Variants in PAK5 observed in about 807,000 individuals in gnomAD.
PAK5 encodes the protein serine/threonine-protein kinase PAK 5.
In PAK5, 16 loss-of-function variants were observed where a neutral mutation model predicts 65.9. The ratio of observed to expected loss-of-function variants is 0.24; its 90% CI spans 0.16 to 0.37. PAK5 has a LOEUF of 0.37. PAK5 is among the 10% of genes least tolerant of loss of function. The pLI is 1.00. For synonymous variants in PAK5, 371 were observed against 354.9 expected (o/e 1.05, Z -0.51); for missense variants, 785 against 903.9 (o/e 0.87, Z 1.69).
intron 3 of PAK5, among the ~76,000 whole-genome samples, chr20:9,629,766 G>C (rs2046898289): frequency 6.6e-6 from 1 of 152,162 alleles, no homozygotes; most frequent in South Asian, 2.1e-4. Context: ...ATAAAGTTTG[G>C]GAGGGACACA....
intron 2 of PAK5, among the ~76,000 whole-genome samples, chr20:9,690,847 G>A (rs930941914): frequency 3.4e-5 from 5 of 146,198 alleles, no homozygotes; most frequent in East Asian, 2.0e-4. Context: ...TCCTCTTCCC[G>A]GGCTCAAGTG....
chr20:9,734,686 G>C (rs555576351), intron 1 of PAK5, among the ~76,000 whole-genome samples: 10 of 152,224 alleles, frequency 6.6e-5, no homozygotes, highest in African/African-American at 2.4e-4. Flanking sequence ...TTTCAGAAAT[G>C]TTAATAACCA....
At chr20:9,674,828 C>A (rs2047547201) in intron 2 of PAK5, among the ~76,000 whole-genome samples, 1 of 152,122 alleles carries the variant, frequency 6.6e-6, no homozygotes, top group Admixed American at 6.5e-5. Flanking sequence ...GCAAAGGGAG[C>A]TTGTACCCCA....
rs545140358 is a variant in PAK5, at chr20:9,771,582, A to ATTTTTT, written c.-161-60153_-161-60148dup. 1.1e-3 allele frequency among the ~76,000 whole-genome samples: 117 copies of ATTTTTT among 109,746 alleles called. 10 individuals are homozygous for ATTTTTT. The highest frequency in any genetic ancestry group is 6.0e-3 in the East Asian group (19 of 3,146). The allele number at this position is 109,746 out of a possible 152,430, so 72.0% of individuals were successfully genotyped here. A position where few individuals can be genotyped will look rare whatever the true frequency, so the allele number is the denominator to read the frequency against. ...GCCACCACATTCAGTCAATTTTTTA[A>ATTTTTT]TTTTTTTTTTTTTTTTTTGTAGAAA... On this transcript the variant is annotated intron_variant, in intron 1 of 9. Coordinates refer to ENST00000353224, the MANE Select transcript of PAK5 (RefSeq NM_177990.4).
intron 1 of PAK5, among the ~76,000 whole-genome samples, chr20:9,799,447 T>G (rs1038636221): frequency 3.3e-5 from 5 of 152,122 alleles, no homozygotes; most frequent in African/African-American, 1.2e-4. Flanking sequence ...CAGAAGAGTT[T>G]TAACTGGAAC....
chr20:9,600,221 T>C (rs1464977769), intron 3 of PAK5, among the ~76,000 whole-genome samples: 2 of 152,234 alleles, frequency 1.3e-5, no homozygotes, highest in East Asian at 1.9e-4. Context: ...TCCGTTCTTA[T>C]ACCATTATAA....
intron 3 of PAK5, among the ~76,000 whole-genome samples, chr20:9,612,063 G>A (rs2046571775): frequency 6.6e-6 from 1 of 152,116 alleles, no homozygotes; most frequent in Non-Finnish European, 1.5e-5. Flanking sequence ...ATGCCCCTGA[G>A]GCACAGGGTG....
chr20:9,810,844 C>T (rs111739937), intron 1 of PAK5, among the ~76,000 whole-genome samples: 21 of 152,262 alleles, frequency 1.4e-4, no homozygotes, highest in Non-Finnish European at 2.9e-4. Flanking sequence ...TATATACACA[C>T]ATACACATAG....
chr20:9,646,782 C>T (rs1600192607), intron 2 of PAK5, among the ~76,000 whole-genome samples: 1 of 152,190 alleles, frequency 6.6e-6, no homozygotes, highest in Non-Finnish European at 1.5e-5. Context: ...TTAGAAACAG[C>T]AGTCAGCATG....
intron 4 of PAK5, among the ~76,000 whole-genome samples, chr20:9,567,568 T>C (rs559002696): frequency 2.0e-5 from 3 of 152,358 alleles, no homozygotes; most frequent in South Asian, 2.1e-4. Flanking sequence ...GAAAGGGCTA[T>C]TGGATGGCAC....
chr20:9,673,932 C>A (rs1285607720), intron 2 of PAK5, among the ~76,000 whole-genome samples: 1 of 152,190 alleles, frequency 6.6e-6, no homozygotes, highest in East Asian at 1.9e-4. Context: ...AGCTTAAAAT[C>A]TGGTGAGAAA....
At chr20:9,691,724 T>C (rs762370191) in intron 2 of PAK5, among the ~76,000 whole-genome samples, 93 of 152,308 alleles carry the variant, frequency 6.1e-4, no homozygotes, top group Admixed American at 1.6e-3. Context: ...TGTACTCCAA[T>C]AAAAGTCCCT....
intron 7 of PAK5, among the ~76,000 whole-genome samples, chr20:9,553,310 T>C (rs1603201681): frequency 6.6e-6 from 1 of 152,182 alleles, no homozygotes. Context: ...CAACTAGAGC[T>C]TGATCCTGCT....
intron 1 of PAK5, among the ~76,000 whole-genome samples, chr20:9,780,110 C>A (rs2048926718): frequency 6.6e-6 from 1 of 152,052 alleles, no homozygotes; most frequent in South Asian, 2.1e-4. Context: ...CCAAAAATAA[C>A]TTTTCTAGAT....
chr20:9,706,123 A>C (rs1215312205), intron 2 of PAK5, among the ~76,000 whole-genome samples: 1 of 152,174 alleles, frequency 6.6e-6, no homozygotes, highest in Non-Finnish European at 1.5e-5. Flanking sequence ...ACACACATGC[A>C]CAAATCTCTA....
At chr20:9,586,412 T>G (rs2046071124) in intron 3 of PAK5, among the ~76,000 whole-genome samples, 1 of 152,136 alleles carries the variant, frequency 6.6e-6, no homozygotes, top group Admixed American at 6.6e-5. Context: ...AACTAACACT[T>G]CATTTTTGAG....
At chr20:9,695,645 T>G (rs2876169) in intron 2 of PAK5, among the ~76,000 whole-genome samples, 51,656 of 151,832 alleles carry the variant, frequency 0.34, 10,365 homozygotes, top group African/African-American at 0.56. Context: ...TTAATTAAGA[T>G]GTGAAGGTTG....
chr20:9,788,163 G>A (rs1430948636), intron 1 of PAK5, among the ~76,000 whole-genome samples: 2 of 152,030 alleles, frequency 1.3e-5, no homozygotes, highest in African/African-American at 2.4e-5. Context: ...TATAGTAACA[G>A]CTTCAATGTA....
chr20:9,716,181 A>G (rs1480774463), intron 1 of PAK5, among the ~76,000 whole-genome samples: 1 of 67,114 alleles, frequency 1.5e-5, no homozygotes, highest in Non-Finnish European at 3.1e-5. Context: ...AGCATGCTCT[A>G]TGTTTTAAAC....
Sources: allele counts gnomAD v4.1 joint callset (sites outside exome capture counted in the v4.1 genomes callset), GRCh38; gene constraint gnomAD v4.1.1; transcripts MANE v1.5; gene names NCBI Gene and HGNC (gene_info 2026-07-23, HGNC 2026-07-21).